Variants in ARSB observed in about 807,000 individuals in gnomAD.
The protein encoded by ARSB is N-acetylgalactosamine-4-sulfatase.
ARSB carries 41 observed loss-of-function variants against 50.9 expected under a neutral mutation model. The ratio of observed to expected loss-of-function variants is 0.81; its 90% CI spans 0.63 to 1.04. ARSB has a LOEUF of 1.04. Ranked by LOEUF, ARSB falls within the 50% of genes least tolerant of loss-of-function variation. The pLI, the probability that ARSB is intolerant of heterozygous loss-of-function variation, is 0.00. For missense variants in ARSB, 672 were observed against 693.3 expected, an observed-to-expected ratio of 0.97 and a Z score of 0.35; for synonymous variants, 269 against 284.8, an observed-to-expected ratio of 0.94 and a Z score of 0.56.
chr5:78,902,094 G>A (rs190127292), intron 4 of ARSB, among the ~76,000 whole-genome samples: 145 of 152,336 alleles, frequency 9.5e-4, no homozygotes, highest in Non-Finnish European at 1.5e-3. Flanking sequence ...ACCAGGTGAG[G>A]GCCTTCATGT....
chr5:78,835,673 T>C (rs1257931142), intron 6 of ARSB, among the ~76,000 whole-genome samples: 2 of 152,166 alleles, frequency 1.3e-5, no homozygotes, highest in Non-Finnish European at 2.9e-5. Context: ...TGCTTATCAA[T>C]GGACACACTC....
Position 78,965,115 on chromosome 5 carries a change from CA to C in ARSB, c.500-510del, listed in dbSNP as rs558562701. Among the ~76,000 whole-genome samples, 240 of 152,222 alleles carry C rather than the reference CA, an allele frequency of 1.6e-3. 6 individuals carry two copies. The highest frequency in any genetic ancestry group is 0.013 in the Admixed American group (203 of 15,296). The stretch of plus-strand genomic sequence containing the variant: ...TGCTGACACCCACTGGTGAAAGATA[CA>C]AACCTTTCCTAATAGAGGATCTCTA... On this transcript the variant is annotated intron_variant, in intron 2 of 7. Coordinates refer to ENST00000264914, the MANE Select transcript of ARSB (RefSeq NM_000046.5).
At chr5:78,963,963 T>G (rs1752103733) in intron 3 of ARSB, among the ~76,000 whole-genome samples, 1 of 152,142 alleles carries the variant, frequency 6.6e-6, no homozygotes, top group East Asian at 1.9e-4. Flanking sequence ...ATCCCAAAAT[T>G]TATGGATCCC....
chr5:78,947,693 G>A (rs1035078667), intron 4 of ARSB, among the ~76,000 whole-genome samples: 20 of 152,172 alleles, frequency 1.3e-4, no homozygotes, highest in African/African-American at 4.8e-4. Flanking sequence ...GGGAATGTGA[G>A]TTAGTACAGC....
chr5:78,871,188 A>G (rs924170587), intron 5 of ARSB, among the ~76,000 whole-genome samples: 1 of 151,458 alleles, frequency 6.6e-6, no homozygotes, highest in African/African-American at 2.4e-5. Flanking sequence ...ATGGAAGAAC[A>G]TTCCATGCTC....
At chr5:78,906,870 T>C (rs1455292624) in intron 4 of ARSB, among the ~76,000 whole-genome samples, 1 of 152,178 alleles carries the variant, frequency 6.6e-6, no homozygotes, top group Admixed American at 6.5e-5. Context: ...TGATTTTTTT[T>C]AAACCTTCAT....
At chr5:78,853,329 C>T (rs976751560) in intron 5 of ARSB, among the ~76,000 whole-genome samples, 6 of 152,172 alleles carry the variant, frequency 3.9e-5, no homozygotes, top group African/African-American at 1.4e-4. Context: ...CACTCCAGAC[C>T]CTGTTTGCCT....
chr5:78,854,003 T>A (rs1170432650), intron 5 of ARSB, among the ~76,000 whole-genome samples: 1 of 152,272 alleles, frequency 6.6e-6, no homozygotes, highest in East Asian at 1.9e-4. Flanking sequence ...CCTGACCCCT[T>A]GCACTTCCCG....
intron 4 of ARSB, among the ~76,000 whole-genome samples, chr5:78,935,668 T>G (rs1013042125): frequency 1.3e-5 from 2 of 152,206 alleles, no homozygotes. Flanking sequence ...CACTTAGCTA[T>G]TATTATATCA....
intron 4 of ARSB, among the ~76,000 whole-genome samples, chr5:78,944,005 CT>C (rs1226820495): frequency 2.0e-5 from 3 of 152,180 alleles, no homozygotes; most frequent in Admixed American, 1.3e-4. Flanking sequence ...CTAAACTTCT[CT>C]TCTCACTTCA....
chr5:78,859,050 C>T (rs1746294486), intron 5 of ARSB, among the ~76,000 whole-genome samples: 2 of 152,194 alleles, frequency 1.3e-5, no homozygotes, highest in African/African-American at 4.8e-5. Flanking sequence ...CGATTTTTAA[C>T]CACTATCCCG....
At chr5:78,872,066 T>G (rs1348371508) in intron 5 of ARSB, among the ~76,000 whole-genome samples, 1 of 149,710 alleles carries the variant, frequency 6.7e-6, no homozygotes, top group Non-Finnish European at 1.5e-5. Flanking sequence ...CATGAAAAAA[T>G]GCTCACCATC....
At chr5:78,877,819 C>T (rs1048850449) in intron 5 of ARSB, among the ~76,000 whole-genome samples, 1 of 152,172 alleles carries the variant, frequency 6.6e-6, no homozygotes, top group South Asian at 2.1e-4. Flanking sequence ...TAATCAATCA[C>T]AACCAACTGA....
Position 78,985,149 on chromosome 5 carries a change from G to A in ARSB, c.100C>T (p.Pro34Ser), listed in dbSNP as rs1172926298. The A allele has an allele frequency of 4.8e-6, 7 of 1,457,316 alleles. No individual in the cohort carries two copies. The East Asian group carries it at 8.6e-5, about 18-fold the overall frequency. The allele number at this position is 1,457,316 out of a possible 1,614,324, so 90.3% of individuals were successfully genotyped here. The change falls in exon 1 of 8, where the codon CCG becomes TCG. Residue 34 changes from proline (P) to serine (S), a missense_variant. By Grantham distance (74) the Pro-to-Ser change is moderately conservative. Coordinates refer to ENST00000264914, the MANE Select transcript of ARSB (RefSeq NM_000046.5). ...CTGGCCCCGGCGCCCGAGCCCGGCGGCGCCAACAACAGCAGCAGCAGCAGC... is the reference window on the plus strand; with the variant it reads ...CTGGCCCCGGCGCCCGAGCCCGGCGACGCCAACAACAGCAGCAGCAGCAGC... Reference protein sequence around the residue: ...LPLLLLLLLAPPGSGAGASRP... With the variant: ...LPLLLLLLLASPGSGAGASRP...
chr5:78,805,058 T>C (rs1437238114), intron 6 of ARSB, among the ~76,000 whole-genome samples: 4 of 152,218 alleles, frequency 2.6e-5, no homozygotes, highest in Non-Finnish European at 5.9e-5. Flanking sequence ...AAGTGGGAAG[T>C]TCCTCACAGA....
intron 4 of ARSB, among the ~76,000 whole-genome samples, chr5:78,942,944 C>T (rs1035213623): frequency 4.6e-5 from 7 of 152,134 alleles, no homozygotes; most frequent in South Asian, 2.1e-4. Context: ...TAAGGACTTG[C>T]TTTATGAATC....
intron 4 of ARSB, among the ~76,000 whole-genome samples, chr5:78,943,587 A>C (rs1751051877): frequency 6.6e-6 from 1 of 152,198 alleles, no homozygotes; most frequent in Non-Finnish European, 1.5e-5. Context: ...CTTTTCTTTA[A>C]GAATGTTGAA....
rs144944653 is a variant in ARSB at position 78,805,769 on chromosome 5, C to T, written c.1214-23795G>A. On this transcript the variant is annotated intron_variant, in intron 6 of 7. Transcript: ENST00000264914. ...TTTTGATTATCATCGACTGAGCAGC[C>T]GGGTGGCTCTGTGGGTTCCGGGGCA... 1.5e-3 allele frequency among the ~76,000 whole-genome samples: 223 copies of T among 152,260 alleles called. 3 individuals are homozygous for T. The East Asian group carries it at 0.019, about 13-fold the overall frequency.
rs1196958861 is a variant in ARSB, at chr5:78,939,765, A to T, written c.898+15530T>A. ...ATACATGTGCATGTGTCTTTATAGCAGCATGATTTATAATCCTTTGGGTAT... is the reference window on the plus strand; with the variant it reads ...ATACATGTGCATGTGTCTTTATAGCTGCATGATTTATAATCCTTTGGGTAT... On this transcript the variant is annotated intron_variant, in intron 4 of 7. Transcript: ENST00000264914. Among the ~76,000 whole-genome samples the T allele has an allele frequency of 1.3e-5, 2 of 152,178 alleles. 1 individual carries two copies. The highest frequency in any genetic ancestry group is 3.8e-4 in the East Asian group (2 of 5,198).
Sources: gnomAD v4.1 joint callset for allele counts (sites outside exome capture counted in the v4.1 genomes callset) on GRCh38, gnomAD v4.1.1 for gene constraint, MANE v1.5 for transcripts, NCBI Gene and HGNC (gene_info 2026-07-23, HGNC 2026-07-21) for gene names.